Variants in RNF213 observed in about 807,000 individuals in gnomAD.
RNF213 encodes the protein E3 ubiquitin-protein ligase RNF213.
Under a neutral mutation model 514.4 loss-of-function variants are expected in RNF213, and 341 were observed. That is an observed-to-expected ratio of 0.66 (90% CI 0.61 to 0.73). The LOEUF (loss-of-function observed/expected upper bound fraction) is 0.73, where lower values mean the gene tolerates loss of function less well. RNF213 is among the 30% of genes least tolerant of loss of function. RNF213 has a pLI of 0.00. For missense variants in RNF213, 5,767 were observed against 6,615.6 expected (o/e 0.87, Z 4.45); for synonymous variants, 2,655 against 2,658.2 (o/e 1.00, Z 0.04).
Position 80,353,067 on chromosome 17 carries a change from A to G in RNF213, c.10423+8A>G. The G allele has an allele frequency of 6.2e-7, 1 of 1,611,280 alleles. No homozygotes were observed. On this transcript the variant is annotated splice_region_variant and intron_variant, in intron 33 of 67. Transcript: ENST00000582970. This position sits in a 1 kb window ranked among gnomAD's most constrained non-coding sequence, Gnocchi z 5.0. ...CCGGAGACTTGCCTGAGCGTGAGTC[A>G]CGAGGCGGAGCCCCTGGGGGAGCAG...
In RNF213 at chr17:80,353,188, C is replaced by A; in HGVS notation, c.10423+129C>A. On this transcript the variant is annotated intron_variant, in intron 33 of 67. Transcript: ENST00000582970. The surrounding 1 kb of genome is among the most constrained non-coding windows in gnomAD (Gnocchi z 5.0). ...TCGTCCCTCGGCAGGAGCTCGGGGA[C>A]ACATCTGCAGAACTGACTGGTGGCT... is the stretch of plus-strand genomic sequence containing the variant. 7.8e-7 allele frequency: 1 copy of A among 1,287,730 alleles called. No individual in the cohort carries two copies. Among genetic ancestry groups the A allele is most frequent in the Non-Finnish European group, 1.1e-6 (1 of 911,418 alleles). The allele number at this position is 1,287,730 out of a possible 1,614,324, so 79.8% of individuals were successfully genotyped here.
chr17:80,302,453 A>C (rs935404495), intron 11 of RNF213, among the ~76,000 whole-genome samples: 2 of 152,242 alleles, frequency 1.3e-5, no homozygotes, highest in African/African-American at 4.8e-5. Context: ...TATACAGTGC[A>C]TAAAATGTAT....
intron 55 of RNF213, among the ~76,000 whole-genome samples, chr17:80,380,524 T>C (rs567026604): frequency 1.3e-5 from 2 of 152,240 alleles, no homozygotes; most frequent in Admixed American, 1.3e-4. Flanking sequence ...ACCGCTCCTC[T>C]CCTGACAAAG....
At chr17:80,374,000 G>A (rs1256920278) in intron 49 of RNF213, among the ~76,000 whole-genome samples, 4 of 99,768 alleles carry the variant, frequency 4.0e-5, no homozygotes, top group Admixed American at 1.2e-4. Context: ...GCGAGACTCC[G>A]TCTCAAAAAA....
At chr17:80,274,871 GAGTGGTGTGAA>G (rs2043980049) in intron 3 of RNF213, among the ~76,000 whole-genome samples, 1 of 113,332 alleles carries the variant, frequency 8.8e-6, no homozygotes, top group African/African-American at 3.8e-5. Context: ...GGGGGTGTGT[GAGTGGTGTGAA>G]TGGGATGTGT....
Position 80,385,068 on chromosome 17 carries a change from G to T in RNF213, c.14352G>T (p.Leu4784=). 1.2e-6 allele frequency: 2 copies of T among 1,614,072 alleles called. No homozygotes were observed. The highest frequency in any genetic ancestry group is 1.1e-5 in the South Asian group (1 of 91,082). Residue 4784 remains leucine (L), a synonymous_variant, in exon 60 of 68, where the codon CTG becomes CTT. Coordinates refer to ENST00000582970, the MANE Select transcript of RNF213 (RefSeq NM_001256071.3). ...KEAELRLVKF[L]PEILALQRDL... is the part of the protein sequence containing the mutation. Reference sequence around the variant, plus strand: ...CAGAGCTGAGGCTGGTAAAGTTCCTGCCTGAGATTTTGGCCTTGCAAAGGG... The same window carrying T: ...CAGAGCTGAGGCTGGTAAAGTTCCTTCCTGAGATTTTGGCCTTGCAAAGGG...
chr17:80,381,441 C>T, intron 56 of RNF213, 106 bp from the exon 57 acceptor site: 1 of 1,232,716 alleles, frequency 8.1e-7, no homozygotes. Context: ...TAGAAACCGC[C>T]TTCCGACTCT....
At chr17:80,354,406 G>A (rs367667069) in intron 35 of RNF213, 35 bp from the exon 36 acceptor site, 3 of 1,613,918 alleles carry the variant, frequency 1.9e-6, no homozygotes, top group African/African-American at 1.3e-5. Context: ...GCTCAGCCAC[G>A]GCCATGCTGA....
chr17:80,357,390 T>A (rs1196136854), intron 36 of RNF213, among the ~76,000 whole-genome samples: 7 of 152,316 alleles, frequency 4.6e-5, no homozygotes, highest in Admixed American at 6.5e-5. Flanking sequence ...CATCCACCCA[T>A]CTGTCCGTCC....
intron 13 of RNF213, 125 bp downstream of exon 13, chr17:80,307,326 C>T (rs1396591906): frequency 1.3e-6 from 1 of 776,590 alleles, no homozygotes. Context: ...TAATATGTGG[C>T]CCACTTCTCT....
At position 80,289,723 on chromosome 17, in the gene RNF213, A is replaced by G. The variant is rs910005633; in HGVS notation, c.998A>G (p.Gln333Arg). The G allele has an allele frequency of 6.2e-7, 1 of 1,614,008 alleles. No homozygotes were observed. Among genetic ancestry groups the G allele is most frequent in the African/African-American group, 1.3e-5 (1 of 74,928 alleles). Residue 333 changes from glutamine to arginine, a missense_variant, in exon 6 of 68, where the codon CAA (glutamine) becomes CGA (arginine). By Grantham distance (43) the Gln-to-Arg change is conservative. Transcript: ENST00000582970. ...GAAGAAAAAGTCGGTAAGAATGAAC[A>G]AGGGGAGCCTGAAGACCTCAAGAAG... ...AAEEKVGKNE[Q>R]GEPEDLKKPE...
Position 80,332,106 on chromosome 17 carries a change from G to C in RNF213, c.3618G>C (p.Gln1206His). The C allele has an allele frequency of 6.5e-7, 1 of 1,537,190 alleles. No homozygotes were observed. Among genetic ancestry groups the C allele is most frequent in the Non-Finnish European group, 8.7e-7 (1 of 1,146,916 alleles). ...TVRLSTSSNS[Q>H]RATHYHLSSQ... ...GACTGTCCACCTCCTCGAACTCGCA[G>C]AGGGCAACGCATTACCACCTGAGCT... The change falls in exon 21 of 68, where the codon CAG becomes CAC. Residue 1206 changes from glutamine (Q) to histidine (H), a missense_variant. By Grantham distance (24) the Gln-to-His change is conservative. This residue lies in a region of RNF213 where 516 missense variants were observed against 566.5 expected (regional missense o/e 0.91). Coordinates refer to ENST00000582970, the MANE Select transcript of RNF213 (RefSeq NM_001256071.3).
chr17:80,363,475 T>G, intron 40 of RNF213, 134 bp from the exon 41 acceptor site: 1 of 1,231,672 alleles, frequency 8.1e-7, no homozygotes, highest in Non-Finnish European at 1.2e-6. Flanking sequence ...TCGCTGACGC[T>G]TCTCACATCC....
intron 3 of RNF213, chr17:80,278,806 A>G (rs767360172): frequency 6.5e-7 from 1 of 1,537,204 alleles, no homozygotes; most frequent in South Asian, 1.2e-5. Flanking sequence ...TGTAGACCTC[A>G]TATCCGATGA....
At chr17:80,338,041 C>G in intron 25 of RNF213, 44 bp downstream of exon 25, 1 of 1,535,846 alleles carries the variant, frequency 6.5e-7, no homozygotes, top group African/African-American at 1.4e-5. Context: ...GTGGTGTCAT[C>G]TCGTCCGTGA....
In RNF213 at chr17:80,383,717, G is replaced by C. The variant is rs747191905; in HGVS notation, c.14111G>C (p.Ser4704Thr). 3 of 1,613,570 alleles carry C rather than the reference G, an allele frequency of 1.9e-6. No individual in the cohort carries two copies. The African/African-American group carries it at 4.0e-5, about 22-fold the overall frequency. The change falls in exon 59 of 68, where the codon AGC becomes ACC. Residue 4704 changes from serine (S) to threonine (T), a missense_variant. Ser to Thr is a moderately conservative substitution (Grantham distance 58). Coordinates refer to ENST00000582970, the MANE Select transcript of RNF213 (RefSeq NM_001256071.3). ...KTLPTMNNLI[S>T]QDKRISSNPV... is the part of the protein sequence containing the mutation. Reference sequence around the variant, plus strand: ...CTTCCCACCATGAATAATCTCATCAGCCAAGATAAGCGTATCAGCTCTAAC... The same window carrying C: ...CTTCCCACCATGAATAATCTCATCACCCAAGATAAGCGTATCAGCTCTAAC...
intron 29 of RNF213, among the ~76,000 whole-genome samples, chr17:80,349,166 A>G (rs775228115): frequency 6.6e-6 from 1 of 152,212 alleles, no homozygotes; most frequent in Non-Finnish European, 1.5e-5. Context: ...ACATTGCTTC[A>G]TCATGACAGA....
At position 80,353,718 on chromosome 17, in the gene RNF213, G is replaced by A. The variant is rs1408685911; in HGVS notation, c.10578+52G>A. The A allele has an allele frequency of 6.2e-7, 1 of 1,612,104 alleles. No homozygotes were observed. Among genetic ancestry groups the A allele is most frequent in the Non-Finnish European group, 8.5e-7 (1 of 1,178,244 alleles). On this transcript the variant is annotated intron_variant, in intron 34 of 67. Coordinates refer to ENST00000582970, the MANE Select transcript of RNF213 (RefSeq NM_001256071.3). The surrounding 1 kb of genome is among the most constrained non-coding windows in gnomAD (Gnocchi z 5.0). ...CTTGTGCTGCTGGTGATGCTTCTGA[G>A]CTGCATCTTTAAACGCTTTTGCATT...
At chr17:80,266,034 G>A (rs962080607) in intron 2 of RNF213, among the ~76,000 whole-genome samples, 2 of 152,158 alleles carry the variant, frequency 1.3e-5, no homozygotes, top group African/African-American at 4.8e-5. Context: ...AGTTGAGTCA[G>A]GTTGAGTTTA....
Sources: allele counts gnomAD v4.1 joint callset (sites outside exome capture counted in the v4.1 genomes callset), GRCh38; gene constraint gnomAD v4.1.1; regional missense constraint gnomAD v4.1.1; non-coding constraint Gnocchi (gnomAD v3.1); transcripts MANE v1.5; gene names NCBI Gene and HGNC (gene_info 2026-07-23, HGNC 2026-07-21).